LRP1B: variants seen among roughly 807,000 people sequenced by gnomAD.
LRP1B encodes LDL receptor related protein 1B.
A neutral mutation model predicts 556.6 loss-of-function variants in LRP1B; 217 were observed. That is an observed-to-expected ratio of 0.39 (90% CI 0.35 to 0.44). The LOEUF (loss-of-function observed/expected upper bound fraction) is 0.44. Ranked by LOEUF, LRP1B falls within the 20% of genes least tolerant of loss-of-function variation. The pLI is 1.00. For missense variants in LRP1B, 5,053 were observed against 5,620.8 expected (o/e 0.90, Z 3.23); for synonymous variants, 2,047 against 1,865.8 (o/e 1.10, Z -2.50).
At chr2:140,764,182 A>G (rs552037224) in intron 35 of LRP1B, among the ~76,000 whole-genome samples, 8 of 152,280 alleles carry the variant, frequency 5.3e-5, no homozygotes, top group Middle Eastern at 3.4e-3. Flanking sequence ...AAAAAGAGAG[A>G]GACTCATTTG....
chr2:140,717,516 T>C (rs1687254549), intron 35 of LRP1B, among the ~76,000 whole-genome samples: 1 of 152,070 alleles, frequency 6.6e-6, no homozygotes, highest in Admixed American at 6.6e-5. Context: ...ACTTTTTGAA[T>C]ACTTGAATGA....
intron 41 of LRP1B, among the ~76,000 whole-genome samples, chr2:140,644,027 TC>T (rs1684392522): frequency 6.6e-6 from 1 of 152,226 alleles, no homozygotes; most frequent in East Asian, 1.9e-4. Context: ...AGCAACTTTT[TC>T]TCGTTACTCT....
chr2:140,639,749 A>C (rs2105295355), intron 41 of LRP1B, among the ~76,000 whole-genome samples: 1 of 152,284 alleles, frequency 6.6e-6, no homozygotes, highest in East Asian at 1.9e-4. Flanking sequence ...AATGTTATCT[A>C]GAATAAAAAC....
At chr2:142,009,289 T>C (rs1702884395) in intron 1 of LRP1B, among the ~76,000 whole-genome samples, 1 of 152,184 alleles carries the variant, frequency 6.6e-6, no homozygotes, top group Admixed American at 6.5e-5. Flanking sequence ...ACTGGAGAGT[T>C]TGAGCCAGAC....
At chr2:141,888,837 A>C (rs1222358600) in intron 1 of LRP1B, among the ~76,000 whole-genome samples, 2 of 152,194 alleles carry the variant, frequency 1.3e-5, no homozygotes, top group African/African-American at 4.8e-5. Flanking sequence ...GTGTTGAAGG[A>C]TGACTATTTT....
chr2:142,026,448 T>C (rs1156804652), intron 1 of LRP1B, among the ~76,000 whole-genome samples: 2 of 152,118 alleles, frequency 1.3e-5, no homozygotes, highest in Non-Finnish European at 2.9e-5. Context: ...ATGTGATAAA[T>C]AACACCTTAG....
At chr2:141,618,704 G>A (rs113374559) in intron 2 of LRP1B, among the ~76,000 whole-genome samples, 6 of 152,204 alleles carry the variant, frequency 3.9e-5, no homozygotes, top group South Asian at 4.2e-4. Context: ...ATATTGTGCC[G>A]GATATGTTTT....
intron 1 of LRP1B, among the ~76,000 whole-genome samples, chr2:141,933,650 G>C (rs1338870873): frequency 6.6e-6 from 1 of 152,116 alleles, no homozygotes; most frequent in Non-Finnish European, 1.5e-5. Flanking sequence ...AGAGTTTTTA[G>C]CTTGTATATT....
At chr2:140,688,787 G>A (rs1280698480) in intron 41 of LRP1B, among the ~76,000 whole-genome samples, 5 of 152,150 alleles carry the variant, frequency 3.3e-5, no homozygotes, top group African/African-American at 1.2e-4. Flanking sequence ...GCATCCTACT[G>A]GATAATTACA....
intron 3 of LRP1B, among the ~76,000 whole-genome samples, chr2:141,262,566 G>T (rs1684735257): frequency 6.6e-6 from 1 of 151,990 alleles, no homozygotes; most frequent in African/African-American, 2.4e-5. Context: ...TAGATTTGTA[G>T]TTTATTTTTG....
Position 140,883,971 on chromosome 2 carries a change from C to T in LRP1B, c.4015G>A (p.Gly1339Ser), listed in dbSNP as rs2105187521. 2 of 1,613,284 alleles carry T rather than the reference C, an allele frequency of 1.2e-6. No individual in the cohort carries two copies. Among genetic ancestry groups the T allele is most frequent in the Non-Finnish European group, 1.7e-6 (2 of 1,179,920 alleles). Reference sequence around the variant, plus strand: ...CCTGCTATCCAGTCGACTGTCAGGCCTTCTGGAGTAGCCAGGCCATGCTCC... The same window carrying T: ...CCTGCTATCCAGTCGACTGTCAGGCTTTCTGGAGTAGCCAGGCCATGCTCC... ...VVEHGLATPE[G>S]LTVDWIAGNI... Residue 1339 changes from glycine to serine, a missense_variant, in exon 25 of 91, where the codon GGC (glycine) becomes AGC (serine). Gly to Ser is a moderately conservative substitution (Grantham distance 56). Transcript: ENST00000389484.
chr2:142,050,574 T>C (rs1405830605), intron 1 of LRP1B, among the ~76,000 whole-genome samples: 1 of 152,178 alleles, frequency 6.6e-6, no homozygotes, highest in Admixed American at 6.5e-5. Flanking sequence ...CAATATAAAA[T>C]GATTGGTTAT....
chr2:140,686,385 G>T (rs1341298241), intron 41 of LRP1B, among the ~76,000 whole-genome samples: 3 of 152,044 alleles, frequency 2.0e-5, no homozygotes, highest in Non-Finnish European at 2.9e-5. Flanking sequence ...CAATCATTCA[G>T]TAATAAATGA....
intron 5 of LRP1B, among the ~76,000 whole-genome samples, chr2:141,244,196 C>A (rs1318229730): frequency 6.6e-6 from 1 of 152,156 alleles, no homozygotes; most frequent in East Asian, 1.9e-4. Context: ...ACTTTTAATT[C>A]ATCTATCATC....
chr2:140,434,041 T>G (rs1172144865), intron 66 of LRP1B, among the ~76,000 whole-genome samples: 1 of 151,846 alleles, frequency 6.6e-6, no homozygotes, highest in Non-Finnish European at 1.5e-5. Flanking sequence ...TGAATAGTAA[T>G]AGTTTCTTTC....
intron 41 of LRP1B, among the ~76,000 whole-genome samples, chr2:140,652,364 T>A (rs954007218): frequency 6.6e-6 from 1 of 152,188 alleles, no homozygotes; most frequent in South Asian, 2.1e-4. Flanking sequence ...ATAAAGGAAG[T>A]TATCAAAGAT....
At chr2:140,948,634 G>T (rs1387653518) in intron 20 of LRP1B, among the ~76,000 whole-genome samples, 1 of 152,206 alleles carries the variant, frequency 6.6e-6, no homozygotes, top group East Asian at 1.9e-4. Flanking sequence ...CTTATAGGAT[G>T]TCACAAATAA....
At chr2:141,329,964 A>C (rs1309709866) in intron 3 of LRP1B, among the ~76,000 whole-genome samples, 11 of 151,538 alleles carry the variant, frequency 7.3e-5, no homozygotes. Context: ...TTGCACCTGG[A>C]TTCTATTAAT....
intron 1 of LRP1B, among the ~76,000 whole-genome samples, chr2:142,045,026 A>AAT (rs1704204415): frequency 6.6e-6 from 1 of 151,764 alleles, no homozygotes; most frequent in African/African-American, 2.4e-5. Context: ...GTTCTTTTTA[A>AAT]ATGTAACTTC....
Sources: allele counts gnomAD v4.1 joint callset (sites outside exome capture counted in the v4.1 genomes callset), GRCh38; gene constraint gnomAD v4.1.1; transcripts MANE v1.5; gene names NCBI Gene and HGNC (gene_info 2026-07-23, HGNC 2026-07-21).